ASXL3: variants seen among roughly 807,000 people sequenced by gnomAD.
ASXL3 encodes the protein putative Polycomb group protein ASXL3.
Under a neutral mutation model 170.6 loss-of-function variants are expected in ASXL3, and 34 were observed. The ratio of observed to expected loss-of-function variants is 0.20; its 90% CI spans 0.15 to 0.27. ASXL3 has a LOEUF of 0.27. Among genes scored for constraint, ASXL3 ranks in the 10% least tolerant of loss-of-function variants. ASXL3 has a pLI of 1.00. For missense variants in ASXL3, 2,592 were observed against 2,695.3 expected, an observed-to-expected ratio of 0.96 and a Z score of 0.85; for synonymous variants, 1,002 against 989.1, an observed-to-expected ratio of 1.01 and a Z score of -0.24.
intron 1 of ASXL3, among the ~76,000 whole-genome samples, chr18:33,595,226 G>A (rs1197554515): frequency 2.0e-5 from 3 of 152,058 alleles, no homozygotes; most frequent in African/African-American, 7.2e-5. Context: ...TCCCATTGTT[G>A]TAAAATGTTT....
At position 33,581,491 on chromosome 18, in the gene ASXL3, G is replaced by A. The variant is rs2064992167; in HGVS notation, c.54+2806G>A. ...GGAGTGAGTGTGTGTGTGTGTGTGT[G>A]TGTGTGTGTGATTTTCTTGAAAGAT... On this transcript the variant is annotated intron_variant, in intron 1 of 11. Transcript: ENST00000269197. Among the ~76,000 whole-genome samples, 4 of 151,968 alleles carry A rather than the reference G, an allele frequency of 2.6e-5. No individual in the cohort carries two copies. The South Asian group carries it at 8.3e-4, about 31-fold the overall frequency.
At position 33,731,772 on chromosome 18, in the gene ASXL3, C is replaced by T. The variant is rs753661057; in HGVS notation, c.880-196C>T. 1.1e-3 allele frequency among the ~76,000 whole-genome samples: 175 copies of T among 152,258 alleles called. 1 individual carries two copies. The highest frequency in any genetic ancestry group is 3.2e-3 in the Admixed American group (49 of 15,294). ...CAATCTTTTGTTGGGTCCCTTTCCT[C>T]TCCGCCTCCTACCCTGCACATGCTC... On this transcript the variant is annotated intron_variant, in intron 8 of 11. Coordinates refer to ENST00000269197, the MANE Select transcript of ASXL3 (RefSeq NM_030632.3).
intron 1 of ASXL3, among the ~76,000 whole-genome samples, chr18:33,588,276 G>A (rs2065050334): frequency 6.6e-6 from 1 of 151,864 alleles, no homozygotes; most frequent in Non-Finnish European, 1.5e-5. Flanking sequence ...ATGCAGTGCT[G>A]AATGTATTGG....
chr18:33,739,613 A>T lies in ASXL3; in HGVS notation c.2209A>T (p.Thr737Ser). The change falls in exon 11 of 12, where the codon ACC becomes TCC. Residue 737 changes from threonine to serine, a missense_variant. Physicochemically the swap from Thr to Ser is moderately conservative, Grantham distance 58 (BLOSUM62 1). Coordinates refer to ENST00000269197, the MANE Select transcript of ASXL3 (RefSeq NM_030632.3). ...TTCTTCAGTGTCTTCCATGCTTCTC[A>T]CCTCTGAGACCACTTTTGTATCCAG... ...ETSSVSSMLL[T>S]SETTFVSSLP... 1 of 1,613,902 alleles carries T rather than the reference A, an allele frequency of 6.2e-7. No individual in the cohort carries two copies. Among genetic ancestry groups the T allele is most frequent in the Non-Finnish European group, 8.5e-7 (1 of 1,179,856 alleles).
At chr18:33,719,909 T>G (rs1271002338) in intron 8 of ASXL3, among the ~76,000 whole-genome samples, 4 of 152,064 alleles carry the variant, frequency 2.6e-5, no homozygotes. Context: ...TCTATGGTAC[T>G]TTGTTATTGC....
At position 33,740,057 on chromosome 18, in the gene ASXL3, G is replaced by C; in HGVS notation, c.2653G>C (p.Val885Leu). The change falls in exon 11 of 12, where the codon GTC becomes CTC. Residue 885 changes from valine (V) to leucine (L), a missense_variant. This residue lies in a region of ASXL3 where 2,246 missense variants were observed against 2,219.6 expected (regional missense o/e 1.01). Coordinates refer to ENST00000269197, the MANE Select transcript of ASXL3 (RefSeq NM_030632.3). ...KVLPSPLELS[V>L]FSEGTDNKGN... The stretch of plus-strand genomic sequence containing the variant: ...GTTACCTTCACCATTGGAATTATCT[G>C]TCTTTTCTGAAGGGACAGATAATAA... 6.2e-7 allele frequency: 1 copy of C among 1,613,906 alleles called. No individual in the cohort carries two copies. Among genetic ancestry groups the C allele is most frequent in the East Asian group, 2.2e-5 (1 of 44,880 alleles).
intron 2 of ASXL3, among the ~76,000 whole-genome samples, chr18:33,632,049 A>G (rs577930054): frequency 2.4e-4 from 36 of 152,052 alleles, no homozygotes; most frequent in Non-Finnish European, 4.7e-4. Context: ...CTTTTCTTCA[A>G]TTTGCATTTA....
At chr18:33,715,530 A>G (rs1016337562) in intron 8 of ASXL3, among the ~76,000 whole-genome samples, 1 of 152,188 alleles carries the variant, frequency 6.6e-6, no homozygotes, top group Non-Finnish European at 1.5e-5. Flanking sequence ...AGGAAGGGTG[A>G]TTTTGCTGTA....
chr18:33,684,803 A>C (rs2066568262), intron 8 of ASXL3, among the ~76,000 whole-genome samples: 1 of 152,192 alleles, frequency 6.6e-6, no homozygotes, highest in African/African-American at 2.4e-5. Flanking sequence ...AGTATATTGT[A>C]CTTTTATATG....
At chr18:33,607,281 T>C (rs924970520) in intron 1 of ASXL3, among the ~76,000 whole-genome samples, 2 of 152,018 alleles carry the variant, frequency 1.3e-5, no homozygotes, top group Non-Finnish European at 2.9e-5. Flanking sequence ...CCATAAAATT[T>C]TAGCAACTTT....
intron 7 of ASXL3, among the ~76,000 whole-genome samples, chr18:33,682,436 T>C (rs2066528892): frequency 6.6e-6 from 1 of 152,236 alleles, no homozygotes; most frequent in African/African-American, 2.4e-5. Flanking sequence ...TTGGGTCTCA[T>C]GATTTTGAGA....
chr18:33,672,489 G>T (rs2066359807), intron 7 of ASXL3, among the ~76,000 whole-genome samples: 1 of 152,134 alleles, frequency 6.6e-6, no homozygotes, highest in Non-Finnish European at 1.5e-5. Flanking sequence ...AAAAGAGCAT[G>T]AGAATTAGAA....
At chr18:33,679,925 T>C (rs1172885386) in intron 7 of ASXL3, among the ~76,000 whole-genome samples, 2 of 152,028 alleles carry the variant, frequency 1.3e-5, no homozygotes, top group East Asian at 3.8e-4. Flanking sequence ...TGTCCTTTAA[T>C]AGCTTAATAA....
rs978466958 is a variant in ASXL3, at chr18:33,749,889, T to TA, written c.*3295dup. ...AAATACACAAAAACAAGCTGGTACA[T>TA]ATGGTGCTTTATAATGCAGTCGAGA... On this transcript the variant is annotated 3_prime_UTR_variant, in exon 12 of 12. Coordinates refer to ENST00000269197, the MANE Select transcript of ASXL3 (RefSeq NM_030632.3). 29 of 152,346 alleles carry TA rather than the reference T, an allele frequency of 1.9e-4. No individual in the cohort carries two copies. The highest frequency in any genetic ancestry group is 6.5e-4 in the African/African-American group (27 of 41,566). The allele number at this position is 152,346 out of a possible 1,614,324, so 9.4% of individuals were successfully genotyped here.
At chr18:33,697,881 C>G (rs2066798423) in intron 8 of ASXL3, among the ~76,000 whole-genome samples, 2 of 152,032 alleles carry the variant, frequency 1.3e-5, no homozygotes, top group South Asian at 4.1e-4. Flanking sequence ...AGCTGAAGAA[C>G]TCCAGAATTT....
chr18:33,675,323 A>G (rs1342528543), intron 7 of ASXL3, among the ~76,000 whole-genome samples: 1 of 152,216 alleles, frequency 6.6e-6, no homozygotes, highest in African/African-American at 2.4e-5. Flanking sequence ...TCCTTTAGCC[A>G]GCCAGATAGA....
At chr18:33,721,211 A>AT (rs2067252954) in intron 8 of ASXL3, among the ~76,000 whole-genome samples, 1 of 152,050 alleles carries the variant, frequency 6.6e-6, no homozygotes, top group Non-Finnish European at 1.5e-5. Flanking sequence ...CTGATTGATT[A>AT]TATCCTCTGC....
rs1337725348 is a variant in ASXL3, at chr18:33,713,229, GTTTTTTTTGTTTTGTTTTGTTTTTTTTT to G, written c.880-18730_880-18703del. Among the ~76,000 whole-genome samples, 514 of 81,770 alleles carry G rather than the reference GTTTTTTTTGTTTTGTTTTGTTTTTTTTT, an allele frequency of 6.3e-3. 62 individuals carry two copies. Among genetic ancestry groups the G allele is most frequent in the Non-Finnish European group, 8.5e-3 (405 of 47,398 alleles). The allele number at this position is 81,770 out of a possible 152,430, so 53.6% of individuals were successfully genotyped here. On this transcript the variant is annotated intron_variant, in intron 8 of 11. Coordinates refer to ENST00000269197, the MANE Select transcript of ASXL3 (RefSeq NM_030632.3). The stretch of plus-strand genomic sequence containing the variant: ...GCAGTTAGCAATCTACCACAAGAAG[GTTTTTTTTGTTTTGTTTTGTTTTTTTTT>G]TTTTTTTTTTTTTTTTTGAGACAGG...
intron 2 of ASXL3, among the ~76,000 whole-genome samples, chr18:33,639,837 C>G (rs2065820339): frequency 6.6e-6 from 1 of 152,122 alleles, no homozygotes; most frequent in Non-Finnish European, 1.5e-5. Flanking sequence ...GAGATACACA[C>G]TGAGGTCTGG....
Sources: gnomAD v4.1 joint callset for allele counts (sites outside exome capture counted in the v4.1 genomes callset) on GRCh38, gnomAD v4.1.1 for gene constraint, gnomAD v4.1.1 regional missense constraint, MANE v1.5 for transcripts, NCBI Gene and HGNC (gene_info 2026-07-23, HGNC 2026-07-21) for gene names.